The following FUT9 variants were observed in gnomAD, a reference collection of about 807,000 sequenced individuals.
The protein encoded by FUT9 is 4-galactosyl-N-acetylglucosaminide 3-alpha-L-fucosyltransferase 9.
A neutral mutation model predicts 29.7 loss-of-function variants in FUT9; 15 were observed. That is an observed-to-expected ratio of 0.51 (90% CI 0.34 to 0.78). The LOEUF (loss-of-function observed/expected upper bound fraction) is 0.78. FUT9 is among the 30% of genes least tolerant of loss of function. The pLI, the probability that FUT9 is intolerant of heterozygous loss-of-function variation, is 0.01. For synonymous variants in FUT9, 169 were observed against 153.7 expected, an observed-to-expected ratio of 1.10 and a Z score of -0.74; for missense variants, 319 against 425.4, an observed-to-expected ratio of 0.75 and a Z score of 2.20.
Position 96,209,033 on chromosome 6 carries a change from AAC to A in FUT9, c.*4800_*4801del, listed in dbSNP as rs1337540757. The A allele has an allele frequency of 6.0e-6, 1 of 166,836 alleles. No individual in the cohort carries two copies. The highest frequency in any genetic ancestry group is 1.5e-5 in the Non-Finnish European group (1 of 67,988). 10.3% of individuals were successfully genotyped at this position (166,836 alleles called of 1,614,324 possible). Reference sequence around the variant, plus strand: ...ATCCATATTCATATGCATTTTATAAAACAGTTAACAGAATCTAAATAAGATAT... The same window carrying A: ...ATCCATATTCATATGCATTTTATAAAAGTTAACAGAATCTAAATAAGATAT... On this transcript the variant is annotated 3_prime_UTR_variant, in exon 3 of 3. Transcript: ENST00000302103.
At chr6:96,096,683 C>CGTGTGTGTGTGTGT (rs1485446008) in intron 1 of FUT9, among the ~76,000 whole-genome samples, 4 of 5,150 alleles carry the variant, frequency 7.8e-4, no homozygotes, top group African/African-American at 1.8e-3. Context: ...GTGTCTAAGG[C>CGTGTGTGTGTGTGT]ATGTGTGTGT....
intron 2 of FUT9, among the ~76,000 whole-genome samples, chr6:96,167,063 T>C (rs1451690580): frequency 6.6e-6 from 1 of 152,172 alleles, no homozygotes; most frequent in Admixed American, 6.5e-5. Context: ...ACTTTGTAAC[T>C]TTTTACTCTC....
At chr6:96,117,326 A>C (rs565208321) in intron 2 of FUT9, among the ~76,000 whole-genome samples, 46 of 152,208 alleles carry the variant, frequency 3.0e-4, no homozygotes, top group Non-Finnish European at 6.2e-4. Context: ...GAGATGGCTA[A>C]AATTAACCTT....
chr6:96,175,647 T>G (rs893546015), intron 2 of FUT9, among the ~76,000 whole-genome samples: 1 of 152,184 alleles, frequency 6.6e-6, no homozygotes, highest in Admixed American at 6.6e-5. Flanking sequence ...GAGCCTCAAA[T>G]ATTATGAAAA....
chr6:96,042,916 A>T (rs2127933741), intron 1 of FUT9, among the ~76,000 whole-genome samples: 1 of 152,312 alleles, frequency 6.6e-6, no homozygotes, highest in Admixed American at 6.5e-5. Context: ...AGCATTTAAA[A>T]GCTTCTATAA....
intron 1 of FUT9, among the ~76,000 whole-genome samples, chr6:96,032,274 C>G (rs986192980): frequency 6.6e-6 from 1 of 151,624 alleles, no homozygotes; most frequent in Non-Finnish European, 1.5e-5. Context: ...TGCTAGGAAG[C>G]TCAGTGTCAA....
chr6:96,168,994 A>G (rs926017228), intron 2 of FUT9, among the ~76,000 whole-genome samples: 7 of 152,156 alleles, frequency 4.6e-5, no homozygotes, highest in African/African-American at 1.7e-4. Flanking sequence ...GTCTGAACAG[A>G]AGGGAGTAGA....
At chr6:96,093,716 A>G (rs1358403867) in intron 1 of FUT9, among the ~76,000 whole-genome samples, 1 of 152,132 alleles carries the variant, frequency 6.6e-6, no homozygotes, top group Non-Finnish European at 1.5e-5. Context: ...TTATTGCATG[A>G]ATATGGATCC....
intron 1 of FUT9, among the ~76,000 whole-genome samples, chr6:96,078,475 C>G (rs892579318): frequency 8.6e-6 from 1 of 116,198 alleles, no homozygotes; most frequent in Admixed American, 1.3e-4. Context: ...GGCTGGAGTG[C>G]AGTGGCGCGA....
chr6:96,016,405 C>T (rs575424172), intron 1 of FUT9, among the ~76,000 whole-genome samples, 193 bp downstream of exon 1: 5 of 152,262 alleles, frequency 3.3e-5, no homozygotes, highest in African/African-American at 1.2e-4. Context: ...AACCTGAACC[C>T]CTCTCCGTCT....
At chr6:96,038,204 T>C (rs1203073649) in intron 1 of FUT9, among the ~76,000 whole-genome samples, 1 of 152,108 alleles carries the variant, frequency 6.6e-6, no homozygotes, top group Admixed American at 6.6e-5. Context: ...TGGAATCAAA[T>C]CAGAAGAAGA....
intron 1 of FUT9, among the ~76,000 whole-genome samples, chr6:96,091,825 CA>C (rs1680506447): frequency 2.0e-5 from 3 of 151,910 alleles, no homozygotes; most frequent in Non-Finnish European, 2.9e-5. Flanking sequence ...GGGGCTTTGC[CA>C]AGTCCAGATG....
At chr6:96,093,576 T>A (rs1313001848) in intron 1 of FUT9, among the ~76,000 whole-genome samples, 5 of 152,114 alleles carry the variant, frequency 3.3e-5, no homozygotes, top group African/African-American at 1.2e-4. Context: ...TAAATTGTAT[T>A]AAGAAGTAGA....
chr6:96,054,575 A>T (rs189121545), intron 1 of FUT9, among the ~76,000 whole-genome samples: 2 of 152,342 alleles, frequency 1.3e-5, no homozygotes, highest in East Asian at 3.9e-4. Flanking sequence ...TAAAATTAAA[A>T]ACAAAGGATA....
At chr6:96,025,142 T>C (rs1770141314) in intron 1 of FUT9, among the ~76,000 whole-genome samples, 1 of 151,754 alleles carries the variant, frequency 6.6e-6, no homozygotes, top group South Asian at 2.1e-4. Flanking sequence ...TCACACTCAA[T>C]ATATGTACAC....
chr6:96,018,909 T>C lies in FUT9; in HGVS notation c.-98+2697T>C, dbSNP rs191696522. Among the ~76,000 whole-genome samples the C allele has an allele frequency of 8.6e-4, 130 of 152,016 alleles. 1 individual carries two copies. Among genetic ancestry groups the C allele is most frequent in the Middle Eastern group, 3.4e-3 (1 of 294 alleles). On this transcript the variant is annotated intron_variant, in intron 1 of 2. Transcript: ENST00000302103. ...GTAACTAAATATGAGTTCTATTATT[T>C]TGGTATTTAGTTACCTTATTTGATT...
intron 1 of FUT9, among the ~76,000 whole-genome samples, chr6:96,039,947 C>CTT (rs1305222958): frequency 9.8e-6 from 1 of 101,880 alleles, no homozygotes; most frequent in African/African-American, 3.8e-5. Context: ...TAAATTCAAA[C>CTT]TATTTTTTTT....
chr6:96,047,343 G>A (rs1770581705), intron 1 of FUT9, among the ~76,000 whole-genome samples: 1 of 152,110 alleles, frequency 6.6e-6, no homozygotes, highest in Non-Finnish European at 1.5e-5. Context: ...CAGGACATTT[G>A]CCTCTGCTTC....
chr6:96,161,040 A>G (rs191465305), intron 2 of FUT9, among the ~76,000 whole-genome samples: 102 of 152,310 alleles, frequency 6.7e-4, no homozygotes, highest in African/African-American at 2.3e-3. Context: ...TTAGTAGAGG[A>G]AAATCTAGAT....
Sources: allele counts gnomAD v4.1 joint callset (sites outside exome capture counted in the v4.1 genomes callset), GRCh38; gene constraint gnomAD v4.1.1; transcripts MANE v1.5; gene names NCBI Gene and HGNC (gene_info 2026-07-23, HGNC 2026-07-21).